Variants in ITPK1 observed in about 807,000 individuals in gnomAD.
ITPK1 encodes inositol-tetrakisphosphate 1-kinase, also known as inositol 1,3,4-trisphosphate 5/6-kinase.
In ITPK1, 21 loss-of-function variants were observed where a neutral mutation model predicts 45.3. The ratio of observed to expected loss-of-function variants is 0.46; its 90% CI spans 0.33 to 0.67. The LOEUF is 0.67. Among genes scored for constraint, ITPK1 ranks in the 30% least tolerant of loss-of-function variants. The pLI is 0.02. For missense variants in ITPK1, 474 were observed against 573.5 expected (o/e 0.83, Z 1.77); for synonymous variants, 258 against 253.6 (o/e 1.02, Z -0.16).
intron 4 of ITPK1, among the ~76,000 whole-genome samples, chr14:93,000,709 G>C (rs907440260): frequency 5.9e-5 from 9 of 152,242 alleles, no homozygotes; most frequent in Admixed American, 2.0e-4. Context: ...GCTCGCGGTG[G>C]CTTGCGCCTG....
At chr14:93,008,946 CAACTT>C (rs1478612012) in intron 4 of ITPK1, among the ~76,000 whole-genome samples, 4 of 152,170 alleles carry the variant, frequency 2.6e-5, no homozygotes, top group African/African-American at 9.7e-5. Context: ...AAATCAGAAA[CAACTT>C]GACTGGCCCA....
chr14:92,995,295 G>A (rs1451305355), intron 4 of ITPK1, among the ~76,000 whole-genome samples: 1 of 152,218 alleles, frequency 6.6e-6, no homozygotes, highest in Non-Finnish European at 1.5e-5. Flanking sequence ...CCACTCCACA[G>A]CCCGTCAGTG....
chr14:92,969,184 A>G (rs973544553), intron 5 of ITPK1, among the ~76,000 whole-genome samples: 2 of 152,334 alleles, frequency 1.3e-5, no homozygotes, highest in South Asian at 4.1e-4. Context: ...GGAGCTAACA[A>G]TATAGTAATA....
chr14:92,991,535 G>T (rs1418668287), intron 5 of ITPK1, among the ~76,000 whole-genome samples: 1 of 152,050 alleles, frequency 6.6e-6, no homozygotes, highest in Non-Finnish European at 1.5e-5. Flanking sequence ...TCCCCTTATG[G>T]GTAGCTCCTA....
rs1892248988 is a variant in ITPK1 at position 93,100,122 on chromosome 14, G to T, written c.95+14947C>A. On this transcript the variant is annotated intron_variant, in intron 2 of 10. Coordinates refer to ENST00000267615, the MANE Select transcript of ITPK1 (RefSeq NM_014216.6). ...GCCCACACTCAGGCCATGTAGAAGGGAATGAGGCGCTGCATTCCCCAGCCC... is the reference window on the plus strand; with the variant it reads ...GCCCACACTCAGGCCATGTAGAAGGTAATGAGGCGCTGCATTCCCCAGCCC... 2.6e-5 allele frequency among the ~76,000 whole-genome samples: 4 copies of T among 152,324 alleles called. No homozygotes were observed. The South Asian group carries it at 8.3e-4, about 32-fold the overall frequency.
At position 93,107,912 on chromosome 14, in the gene ITPK1, G is replaced by C. The variant is rs769216746; in HGVS notation, c.95+7157C>G. 3.9e-5 allele frequency among the ~76,000 whole-genome samples: 6 copies of C among 152,224 alleles called. No individual in the cohort carries two copies. The East Asian group carries it at 7.7e-4, about 20-fold the overall frequency. ...AGACGAAGCCCCAGAAAGACTCAAAGGGCCCCACAGGTATGGCCTGGCCAC... is the reference window on the plus strand; with the variant it reads ...AGACGAAGCCCCAGAAAGACTCAAACGGCCCCACAGGTATGGCCTGGCCAC... On this transcript the variant is annotated intron_variant, in intron 2 of 10. Transcript: ENST00000267615.
chr14:93,089,344 C>T (rs565225045), intron 2 of ITPK1, among the ~76,000 whole-genome samples: 1 of 152,300 alleles, frequency 6.6e-6, no homozygotes, highest in African/African-American at 2.4e-5. Flanking sequence ...CCTCCCCTCT[C>T]CACACGGTTG....
intron 3 of ITPK1, among the ~76,000 whole-genome samples, chr14:93,061,275 T>G (rs1247586238): frequency 6.6e-6 from 1 of 152,222 alleles, no homozygotes; most frequent in Non-Finnish European, 1.5e-5. Flanking sequence ...GAGGTTGGTG[T>G]TACGACAACC....
At chr14:92,955,227 T>G (rs1056855548) in intron 8 of ITPK1, among the ~76,000 whole-genome samples, 4 of 152,370 alleles carry the variant, frequency 2.6e-5, no homozygotes, top group East Asian at 3.9e-4. Flanking sequence ...ACAGCTGCTT[T>G]TGCACTACAA....
intron 3 of ITPK1, among the ~76,000 whole-genome samples, chr14:93,053,538 G>A (rs1191275572): frequency 3.9e-5 from 6 of 152,226 alleles, no homozygotes; most frequent in Admixed American, 3.9e-4. Context: ...TAGTGAAGCT[G>A]CTCTGTATGG....
chr14:93,004,354 C>T (rs1298552320), intron 4 of ITPK1, among the ~76,000 whole-genome samples: 1 of 152,232 alleles, frequency 6.6e-6, no homozygotes, highest in East Asian at 1.9e-4. Context: ...CTCCTTCTTT[C>T]CTAACTTTTC....
chr14:93,052,489 G>C (rs553782798), intron 3 of ITPK1, among the ~76,000 whole-genome samples: 2 of 152,236 alleles, frequency 1.3e-5, no homozygotes, highest in East Asian at 3.9e-4. Flanking sequence ...CTGACTCTCT[G>C]ACCCAGGGAG....
intron 3 of ITPK1, among the ~76,000 whole-genome samples, chr14:93,021,801 C>G (rs1489324779): frequency 6.6e-6 from 1 of 152,032 alleles, no homozygotes; most frequent in Non-Finnish European, 1.5e-5. Context: ...CCAAGACCAG[C>G]AGGCTGGGAC....
At chr14:92,991,174 AG>A (rs1457368556) in intron 5 of ITPK1, among the ~76,000 whole-genome samples, 10 of 152,198 alleles carry the variant, frequency 6.6e-5, no homozygotes, top group Non-Finnish European at 1.5e-4. Flanking sequence ...GAGTGCCTCC[AG>A]GAACAGCAGG....
chr14:93,023,369 C>A (rs1205288664), intron 3 of ITPK1, among the ~76,000 whole-genome samples: 2 of 152,206 alleles, frequency 1.3e-5, no homozygotes, highest in Non-Finnish European at 1.5e-5. Context: ...GGACCAGCAA[C>A]CTTCCAGATG....
intron 5 of ITPK1, among the ~76,000 whole-genome samples, chr14:92,971,148 C>T (rs925527012): frequency 3.5e-4 from 53 of 152,220 alleles, no homozygotes; most frequent in African/African-American, 1.2e-3. Flanking sequence ...AAGGGCCCCA[C>T]GCTGCTCATC....
At chr14:93,062,251 A>C (rs898763573) in intron 3 of ITPK1, among the ~76,000 whole-genome samples, 3 of 149,570 alleles carry the variant, frequency 2.0e-5, no homozygotes, top group Non-Finnish European at 4.4e-5. Context: ...AGCCTGGGCG[A>C]CAGAGCGAGA....
At chr14:93,069,795 A>T (rs955567453) in intron 3 of ITPK1, 5 of 150,330 alleles carry the variant, frequency 3.3e-5, no homozygotes, top group African/African-American at 1.2e-4. Flanking sequence ...CACCCACCCA[A>T]CCTCCTTCCC....
At chr14:93,092,590 T>C (rs1891905120) in intron 2 of ITPK1, among the ~76,000 whole-genome samples, 2 of 152,144 alleles carry the variant, frequency 1.3e-5, no homozygotes, top group African/African-American at 4.8e-5. Flanking sequence ...CGGAGCAATT[T>C]TACCCCCCAC....
Sources: allele counts gnomAD v4.1 joint callset (sites outside exome capture counted in the v4.1 genomes callset), GRCh38; gene constraint gnomAD v4.1.1; transcripts MANE v1.5; gene names NCBI Gene and HGNC (gene_info 2026-07-23, HGNC 2026-07-21).